MSI2: variants seen among roughly 807,000 people sequenced by gnomAD.
MSI2 encodes RNA-binding protein Musashi homolog 2.
Under a neutral mutation model 45.6 loss-of-function variants are expected in MSI2, and 17 were observed. That is an observed-to-expected ratio of 0.37 (90% confidence interval 0.26 to 0.56). MSI2 has a LOEUF of 0.56. Among genes scored for constraint, MSI2 ranks in the 20% least tolerant of loss-of-function variants. The probability of loss-of-function intolerance (pLI) is 0.77; values close to 1 mark genes in which losing one functional copy is unlikely to be tolerated. For missense variants in MSI2, 293 were observed against 444.2 expected, an observed-to-expected ratio of 0.66 and a Z score of 3.06; for synonymous variants, 156 against 158.2, an observed-to-expected ratio of 0.99 and a Z score of 0.11.
chr17:57,491,934 T>A (rs1026686627), intron 6 of MSI2, among the ~76,000 whole-genome samples: 4 of 152,184 alleles, frequency 2.6e-5, no homozygotes, highest in African/African-American at 4.8e-5. Context: ...TTTGTACTTT[T>A]AAAACTTATT....
intron 7 of MSI2, among the ~76,000 whole-genome samples, chr17:57,554,683 C>G (rs1194313643): frequency 6.6e-6 from 1 of 152,234 alleles, no homozygotes; most frequent in African/African-American, 2.4e-5. Context: ...TCTCATTTCA[C>G]CTTCAGGCTG....
At position 57,581,756 on chromosome 17, in the gene MSI2, C is replaced by T. The variant is rs76096841; in HGVS notation, c.455-15112C>T. Among the ~76,000 whole-genome samples the T allele has an allele frequency of 5.4e-3, 820 of 152,242 alleles. 8 individuals are homozygous for T. Among genetic ancestry groups the T allele is most frequent in the African/African-American group, 0.019 (785 of 41,546 alleles). The stretch of plus-strand genomic sequence containing the variant: ...GCTGGTGAAATTGAACCAAATGCTC[C>T]TAATGATCTGTGAATGTATTAATCC... On this transcript the variant is annotated intron_variant, in intron 7 of 13. Coordinates refer to ENST00000284073, the MANE Select transcript of MSI2 (RefSeq NM_138962.4).
intron 6 of MSI2, among the ~76,000 whole-genome samples, chr17:57,505,315 C>T (rs2086203554): frequency 6.6e-6 from 1 of 151,952 alleles, no homozygotes; most frequent in Non-Finnish European, 1.5e-5. Flanking sequence ...GGATGGATGA[C>T]GCCCTGGAGT....
chr17:57,380,980 T>G (rs2083588554), intron 5 of MSI2, among the ~76,000 whole-genome samples: 1 of 152,144 alleles, frequency 6.6e-6, no homozygotes, highest in African/African-American at 2.4e-5. Context: ...ACCCCCATCT[T>G]ACACATACCC....
chr17:57,617,555 T>G (rs1264698404), intron 9 of MSI2, among the ~76,000 whole-genome samples: 2 of 152,218 alleles, frequency 1.3e-5, no homozygotes, highest in Non-Finnish European at 2.9e-5. Flanking sequence ...ATTCCTTAGC[T>G]CCTCCTTTAA....
chr17:57,631,907 C>T, intron 10 of MSI2: 1 of 1,579,736 alleles, frequency 6.3e-7, no homozygotes, highest in Non-Finnish European at 8.6e-7. Flanking sequence ...GCCTGGGCTG[C>T]CCCCGCTCCA....
At chr17:57,614,365 T>A (rs1272748095) in intron 8 of MSI2, among the ~76,000 whole-genome samples, 1 of 152,220 alleles carries the variant, frequency 6.6e-6, no homozygotes, top group African/African-American at 2.4e-5. Flanking sequence ...GAGGTCTCTG[T>A]TTAAACAATG....
At chr17:57,653,576 A>G (rs1266046250) in intron 11 of MSI2, among the ~76,000 whole-genome samples, 2 of 152,196 alleles carry the variant, frequency 1.3e-5, no homozygotes, top group Non-Finnish European at 2.9e-5. Context: ...TGGTATCATT[A>G]TAAACAAGCC....
In MSI2 at chr17:57,418,606, G is replaced by A. The variant is rs553275705; in HGVS notation, c.405+17135G>A. On this transcript the variant is annotated intron_variant, in intron 6 of 13. Coordinates refer to ENST00000284073, the MANE Select transcript of MSI2 (RefSeq NM_138962.4). ...TCAAGGACAGGTGCTCTGTGTGGAC[G>A]TGGTAGCCACAAGCTAGAGGATTGT... is the stretch of plus-strand genomic sequence containing the variant. Among the ~76,000 whole-genome samples, 22 of 152,334 alleles carry A rather than the reference G, an allele frequency of 1.4e-4. No individual in the cohort carries two copies. In the South Asian group the frequency reaches 4.1e-3, roughly 29 times the overall value.
intron 7 of MSI2, among the ~76,000 whole-genome samples, chr17:57,570,968 G>A (rs1290559150): frequency 1.3e-5 from 2 of 152,164 alleles, no homozygotes; most frequent in Non-Finnish European, 2.9e-5. Context: ...CGGCCTCTGG[G>A]GCCCCTCCCC....
At chr17:57,663,760 A>G (rs1408458730) in intron 11 of MSI2, among the ~76,000 whole-genome samples, 1 of 152,244 alleles carries the variant, frequency 6.6e-6, no homozygotes, top group Non-Finnish European at 1.5e-5. Flanking sequence ...AATAGTCGTT[A>G]AGTCTTCAAT....
rs114573810 is a variant in MSI2, at chr17:57,257,906, C to G, written c.185+359C>G. On this transcript the variant is annotated intron_variant, in intron 3 of 13. Transcript: ENST00000284073. ...TCCCAGCTCCCCAAACTCTTAAGAT[C>G]CCTCTTAGAAAGATGGTGGTAAATC... Among the ~76,000 whole-genome samples, 459 of 151,930 alleles carry G rather than the reference C, an allele frequency of 3.0e-3. 2 individuals carry two copies. Among genetic ancestry groups the G allele is most frequent in the African/African-American group, 0.01 (434 of 41,442 alleles).
chr17:57,652,305 T>C lies in MSI2; in HGVS notation c.790+144T>C. On this transcript the variant is annotated intron_variant, in intron 11 of 13. Coordinates refer to ENST00000284073, the MANE Select transcript of MSI2 (RefSeq NM_138962.4). The surrounding 1 kb of genome is among the most constrained non-coding windows in gnomAD (Gnocchi z 4.1). ...GGGGAGGGGGTGGACGGGGAGGGGG[T>C]GGACCGGGAGGCGCGGGCAAGGCCT... is the stretch of plus-strand genomic sequence containing the variant. 1 of 863,112 alleles carries C rather than the reference T, an allele frequency of 1.2e-6. No homozygotes were observed. The highest frequency in any genetic ancestry group is 1.8e-6 in the Non-Finnish European group (1 of 557,446). The allele number at this position is 863,112 out of a possible 1,614,324, so 53.5% of individuals were successfully genotyped here. A position where few individuals can be genotyped will look rare whatever the true frequency, so the allele number is the denominator to read the frequency against.
At position 57,627,360 on chromosome 17, in the gene MSI2, G is replaced by A. The variant is rs576515694; in HGVS notation, c.727+57G>A. The A allele has an allele frequency of 1.2e-4, 176 of 1,505,520 alleles. No individual in the cohort carries two copies. The highest frequency in any genetic ancestry group is 2.5e-4 in the Admixed American group (15 of 59,860). 93.3% of individuals were successfully genotyped at this position (1,505,520 alleles called of 1,614,324 possible). ...GCACAAGAGGTGGGCTGCATTTGCG[G>A]GGAGGTGAGAGGACCCCTAAAGAGA... On this transcript the variant is annotated intron_variant, in intron 10 of 13. Coordinates refer to ENST00000284073, the MANE Select transcript of MSI2 (RefSeq NM_138962.4). This position sits in a 1 kb window ranked among gnomAD's most constrained non-coding sequence, Gnocchi z 4.6.
chr17:57,312,235 T>C (rs916158431), intron 5 of MSI2, among the ~76,000 whole-genome samples: 35 of 152,238 alleles, frequency 2.3e-4, no homozygotes, highest in Non-Finnish European at 8.8e-5. Flanking sequence ...ATTGTATAGT[T>C]TCTTGATGCC....
intron 6 of MSI2, among the ~76,000 whole-genome samples, chr17:57,497,419 G>A (rs1278429028): frequency 6.6e-6 from 1 of 152,232 alleles, no homozygotes; most frequent in Admixed American, 6.5e-5. Context: ...GCAGCTGTGT[G>A]TGGCAGGAAG....
chr17:57,648,177 GTGTGTT>G lies in MSI2; in HGVS notation c.728-3918_728-3913del, dbSNP rs1359004116. On this transcript the variant is annotated intron_variant, in intron 10 of 13. Transcript: ENST00000284073. ...TGTGTGTGTGTGTGTGTGTGTGTGTGTGTGTTTGTAGTGACAGGGTTTTCCCATGTT... is the reference window on the plus strand; with the variant it reads ...TGTGTGTGTGTGTGTGTGTGTGTGTGTGTAGTGACAGGGTTTTCCCATGTT... Among the ~76,000 whole-genome samples the G allele has an allele frequency of 6.9e-3, 999 of 144,504 alleles. 10 individuals carry two copies. The highest frequency in any genetic ancestry group is 0.026 in the African/African-American group (951 of 37,276). The allele number at this position is 144,504 out of a possible 152,430, so 94.8% of individuals were successfully genotyped here.
At chr17:57,322,867 C>CA (rs1674865323) in intron 5 of MSI2, among the ~76,000 whole-genome samples, 1 of 152,150 alleles carries the variant, frequency 6.6e-6, no homozygotes. Context: ...ATTAGTTTGA[C>CA]ACCTGGGGGG....
At chr17:57,317,664 T>C (rs1429531262) in intron 5 of MSI2, among the ~76,000 whole-genome samples, 2 of 151,980 alleles carry the variant, frequency 1.3e-5, no homozygotes, top group Non-Finnish European at 2.9e-5. Flanking sequence ...GTTATAGTTT[T>C]GACACACGGA....
Sources: allele counts gnomAD v4.1 joint callset (sites outside exome capture counted in the v4.1 genomes callset), GRCh38; gene constraint gnomAD v4.1.1; non-coding constraint Gnocchi (gnomAD v3.1); transcripts MANE v1.5; gene names NCBI Gene and HGNC (gene_info 2026-07-23, HGNC 2026-07-21).